Variants in MTAP observed in about 807,000 individuals in gnomAD.
MTAP encodes the protein methylthioadenosine phosphorylase.
A neutral mutation model predicts 33.6 loss-of-function variants in MTAP; 33 were observed. That is an observed-to-expected ratio of 0.98 (90% CI 0.74 to 1.31). The LOEUF (loss-of-function observed/expected upper bound fraction) is 1.31, where lower values mean the gene tolerates loss of function less well. MTAP is among the 40% of genes most tolerant of loss of function. The probability of loss-of-function intolerance (pLI) is 0.00; values close to 1 mark genes in which losing one functional copy is unlikely to be tolerated. For missense variants in MTAP, 367 were observed against 360.0 expected, an observed-to-expected ratio of 1.02 and a Z score of -0.16; for synonymous variants, 148 against 125.7, an observed-to-expected ratio of 1.18 and a Z score of -1.19.
chr9:21,838,067 T>C lies in MTAP; in HGVS notation c.450+57T>C. 2.7e-6 allele frequency: 4 copies of C among 1,478,752 alleles called. No individual in the cohort carries two copies. The South Asian group carries it at 4.6e-5, about 17-fold the overall frequency. The allele number at this position is 1,478,752 out of a possible 1,614,324, so 91.6% of individuals were successfully genotyped here. ...TAAATCATGTGGGCTTGGGGTGGCA[T>C]CTGGCATTTGGTTAATTGGCAGAGC... On this transcript the variant is annotated intron_variant, in intron 5 of 7. Coordinates refer to ENST00000644715, the MANE Select transcript of MTAP (RefSeq NM_002451.4).
At chr9:21,935,614 T>C (rs1169916579), downstream of MTAP, 1 of 152,228 alleles carries the variant, frequency 6.6e-6, no homozygotes, top group Non-Finnish European at 1.5e-5. Flanking sequence ...AAATTTTGCA[T>C]ACTTTATATA....
At chr9:21,891,044 T>C (rs1818193441) in intron 1 of MTAP, among the ~76,000 whole-genome samples, 1 of 152,132 alleles carries the variant, frequency 6.6e-6, no homozygotes. Flanking sequence ...GAACCGTAGT[T>C]TGAGAACAAC....
At chr9:21,807,386 T>C (rs1824234817) in intron 1 of MTAP, among the ~76,000 whole-genome samples, 1 of 152,196 alleles carries the variant, frequency 6.6e-6, no homozygotes, top group Non-Finnish European at 1.5e-5. Context: ...CTTGTGTGGC[T>C]ATCTGAAACT....
intron 1 of MTAP, among the ~76,000 whole-genome samples, chr9:21,884,302 A>G (rs1411302029): frequency 6.6e-6 from 1 of 152,160 alleles, no homozygotes; most frequent in Non-Finnish European, 1.5e-5. Flanking sequence ...AATTGCCCCA[A>G]ATGGACACAA....
downstream of MTAP, chr9:21,931,216 A>G (rs1043338180): frequency 7.1e-6 from 5 of 707,372 alleles, no homozygotes; most frequent in Non-Finnish European, 1.0e-5. Context: ...GCCAAGACCC[A>G]CAGAACAATC....
intron 1 of MTAP, among the ~76,000 whole-genome samples, chr9:21,895,759 G>C (rs1818281734): frequency 6.6e-6 from 1 of 152,220 alleles, no homozygotes; most frequent in African/African-American, 2.4e-5. Context: ...GCGAGGCTGG[G>C]GGAGGGGTGT....
chr9:21,861,780 G>A, intron 7 of MTAP, 196 bp from the exon 8 acceptor site: 1 of 597,034 alleles, frequency 1.7e-6, no homozygotes, highest in Non-Finnish European at 3.0e-6. Context: ...AGGGAGGTGA[G>A]GAACCAAGAG....
intron 1 of MTAP, among the ~76,000 whole-genome samples, chr9:21,918,448 A>C (rs1043320938): frequency 2.6e-5 from 4 of 151,788 alleles, no homozygotes; most frequent in Non-Finnish European, 5.9e-5. Context: ...TATTGGGTAC[A>C]GTATAAACTG....
chr9:21,865,268 ACTT>A lies in MTAP; in HGVS notation c.*3259_*3261del. 2.3e-6 allele frequency: 1 copy of A among 438,996 alleles called. No individual in the cohort carries two copies. 27.2% of individuals were successfully genotyped at this position (438,996 alleles called of 1,614,324 possible). ...GGGGCTTTTCCCCCTTTTGCTCAAC[ACTT>A]CTTCCTGCCATCATGTGAAGAAGGA... On this transcript the variant is annotated 3_prime_UTR_variant, in exon 8 of 8. Transcript: ENST00000644715.
intron 4 of MTAP, among the ~76,000 whole-genome samples, chr9:21,834,372 G>A (rs1825050155): frequency 1.3e-5 from 2 of 152,172 alleles, no homozygotes; most frequent in Admixed American, 6.5e-5. Flanking sequence ...CAAGCTATGG[G>A]GAGATAAAAA....
chr9:21,917,633 A>C (rs758374922), intron 1 of MTAP, among the ~76,000 whole-genome samples: 1 of 152,234 alleles, frequency 6.6e-6, no homozygotes, highest in Non-Finnish European at 1.5e-5. Context: ...ACATCTTTAC[A>C]TTGCTAGTGG....
chr9:21,904,799 G>A (rs572849682), intron 1 of MTAP, among the ~76,000 whole-genome samples: 1 of 152,270 alleles, frequency 6.6e-6, no homozygotes, highest in Admixed American at 6.5e-5. Context: ...TTTGTCCAGG[G>A]ATTGTAATTT....
At chr9:21,847,019 C>T (rs1825401213) in intron 5 of MTAP, among the ~76,000 whole-genome samples, 1 of 152,104 alleles carries the variant, frequency 6.6e-6, no homozygotes, top group South Asian at 2.1e-4. Flanking sequence ...CAGACCCACC[C>T]TTAATGTGGG....
chr9:21,855,744 G>C (rs942239932), intron 6 of MTAP, among the ~76,000 whole-genome samples: 3 of 152,022 alleles, frequency 2.0e-5, no homozygotes, highest in Non-Finnish European at 2.9e-5. Flanking sequence ...GTAAGTACAG[G>C]GTGGAATATA....
intron 1 of MTAP, among the ~76,000 whole-genome samples, chr9:21,920,301 G>A (rs193051762): frequency 1.3e-5 from 2 of 152,144 alleles, no homozygotes; most frequent in Non-Finnish European, 2.9e-5. Flanking sequence ...CACCTAAGAA[G>A]ACTGTAAGAT....
Position 21,854,848 on chromosome 9 carries a change from G to C in MTAP, c.668G>C (p.Cys223Ser). Residue 223 changes from cysteine (C) to serine (S), a missense_variant, in exon 6 of 8, where the codon TGC (cysteine) becomes TCC (serine). Transcript: ENST00000644715. ...ATCGCCATGGCGACAGATTATGACT[G>C]CTGGAAGGAGCACGAGGAAGCAGTA... is the stretch of plus-strand genomic sequence containing the variant. ...ASIAMATDYD[C>S]WKEHEEAVSV... The C allele has an allele frequency of 6.2e-7, 1 of 1,614,104 alleles. No individual in the cohort carries two copies. The highest frequency in any genetic ancestry group is 8.5e-7 in the Non-Finnish European group (1 of 1,179,948).
At chr9:21,815,766 G>A (rs1824458252) in intron 2 of MTAP, among the ~76,000 whole-genome samples, 1 of 152,176 alleles carries the variant, frequency 6.6e-6, no homozygotes, top group Admixed American at 6.5e-5. Context: ...TTCTCATTCT[G>A]TTGCTGGAAA....
chr9:21,826,502 G>A (rs959544200), intron 4 of MTAP, among the ~76,000 whole-genome samples: 7 of 151,816 alleles, frequency 4.6e-5, no homozygotes, highest in Non-Finnish European at 1.0e-4. Context: ...AACCAGGTTT[G>A]AATTCTTGGC....
intron 5 of MTAP, among the ~76,000 whole-genome samples, chr9:21,852,353 A>G (rs1044668693): frequency 6.6e-6 from 1 of 152,064 alleles, no homozygotes; most frequent in Non-Finnish European, 1.5e-5. Context: ...TAAAATACAA[A>G]GAAAAGAATT....
Sources: gnomAD v4.1 joint callset for allele counts (sites outside exome capture counted in the v4.1 genomes callset) on GRCh38, gnomAD v4.1.1 for gene constraint, MANE v1.5 for transcripts, NCBI Gene and HGNC (gene_info 2026-07-23, HGNC 2026-07-21) for gene names.